The following GPBP1L1 variants were observed in gnomAD, a reference collection of about 807,000 sequenced individuals.
GPBP1L1 encodes the protein vasculin-like protein 1.
In GPBP1L1, 23 loss-of-function variants were observed where a neutral mutation model predicts 52.5. That is an observed-to-expected ratio of 0.44 (90% CI 0.32 to 0.62). The LOEUF (loss-of-function observed/expected upper bound fraction) is 0.62. Ranked by LOEUF, GPBP1L1 falls within the 20% of genes least tolerant of loss-of-function variation. GPBP1L1 has a pLI of 0.06. For missense variants in GPBP1L1, 596 were observed against 579.3 expected (o/e 1.03, Z -0.30); for synonymous variants, 243 against 203.1 (o/e 1.20, Z -1.67).
chr1:45,646,127 C>T (rs983237462), intron 6 of GPBP1L1: 12 of 402,164 alleles, frequency 3.0e-5, no homozygotes, highest in Admixed American at 1.3e-4. Context: ...TAGTAAGAAC[C>T]GGCGTTTCCC....
At chr1:45,676,586 T>C (rs1406316309) in intron 2 of GPBP1L1, among the ~76,000 whole-genome samples, 1 of 151,812 alleles carries the variant, frequency 6.6e-6, no homozygotes, top group African/African-American at 2.4e-5. Context: ...GGCAGGCACC[T>C]GTAATCCCAG....
chr1:45,630,715 A>T, intron 10 of GPBP1L1, 109 bp from the exon 11 acceptor site: 3 of 1,238,734 alleles, frequency 2.4e-6, no homozygotes, highest in Non-Finnish European at 3.4e-6. Flanking sequence ...TCCAAAAGAC[A>T]GCCTCAGCCC....
chr1:45,680,243 T>TTC (rs886916975), intron 2 of GPBP1L1, among the ~76,000 whole-genome samples: 1 of 150,996 alleles, frequency 6.6e-6, no homozygotes, highest in Non-Finnish European at 1.5e-5. Context: ...CGCTTTTTTT[T>TTC]TTTTTTTTTT....
intron 6 of GPBP1L1, among the ~76,000 whole-genome samples, chr1:45,643,342 A>T (rs560204567): frequency 2.0e-5 from 3 of 152,192 alleles, no homozygotes; most frequent in African/African-American, 7.2e-5. Flanking sequence ...AGGATTTCTT[A>T]GGGGAGATTA....
intron 2 of GPBP1L1, among the ~76,000 whole-genome samples, chr1:45,683,792 C>T (rs1011683181): frequency 3.3e-5 from 5 of 149,554 alleles, no homozygotes; most frequent in African/African-American, 9.8e-5. Context: ...TGCGGTGGCA[C>T]GCACCTGTCG....
At chr1:45,670,283 T>A (rs535633047) in intron 2 of GPBP1L1, among the ~76,000 whole-genome samples, 38 of 152,284 alleles carry the variant, frequency 2.5e-4, no homozygotes, top group African/African-American at 8.9e-4. Flanking sequence ...GGATACCTAT[T>A]CTTTTTACCA....
At chr1:45,658,038 A>G (rs998418236) in intron 4 of GPBP1L1, among the ~76,000 whole-genome samples, 2 of 152,186 alleles carry the variant, frequency 1.3e-5, no homozygotes, top group Non-Finnish European at 1.5e-5. Context: ...AGCACTTTTA[A>G]GTTTACTAGC....
At chr1:45,639,853 G>T (rs1309043948) in intron 8 of GPBP1L1, among the ~76,000 whole-genome samples, 3 of 152,038 alleles carry the variant, frequency 2.0e-5, no homozygotes, top group African/African-American at 4.8e-5. Flanking sequence ...ACTCCAGCCT[G>T]GGTGACAGAG....
chr1:45,651,270 TC>T, intron 6 of GPBP1L1: 1 of 402,228 alleles, frequency 2.5e-6, no homozygotes, highest in Non-Finnish European at 4.8e-6. Context: ...ACTCTTGACT[TC>T]CCCTTGATAA....
Position 45,659,054 on chromosome 1 carries a change from T to G in GPBP1L1, c.34A>C (p.Asn12His), listed in dbSNP as rs1430166082. ...AQHDFVPAWL[N>H]FSTPQSAKSP... The stretch of plus-strand genomic sequence containing the variant: ...TTAGCTGACTGTGGTGTTGAGAAAT[T>G]TAGCCAAGCAGGAACAAAATCATGC... The change falls in exon 4 of 13, where the codon AAT (asparagine) becomes CAT (histidine). Residue 12 changes from asparagine to histidine, a missense_variant. Transcript: ENST00000355105. 3 of 1,613,826 alleles carry G rather than the reference T, an allele frequency of 1.9e-6. No individual in the cohort carries two copies. Among genetic ancestry groups the G allele is most frequent in the Admixed American group, 3.3e-5 (2 of 60,024 alleles).
chr1:45,665,365 G>A (rs1418579077), intron 2 of GPBP1L1, among the ~76,000 whole-genome samples: 1 of 152,154 alleles, frequency 6.6e-6, no homozygotes, highest in Non-Finnish European at 1.5e-5. Flanking sequence ...CAAAGGGGAG[G>A]TGTGTTCTAC....
At chr1:45,654,463 T>C in intron 6 of GPBP1L1, 80 bp downstream of exon 6, 3 of 1,273,396 alleles carry the variant, frequency 2.4e-6, no homozygotes, top group Admixed American at 4.9e-5. Context: ...ATTTCTGAAA[T>C]GTTCTCATTA....
At chr1:45,671,624 A>G (rs1569871050) in intron 2 of GPBP1L1, among the ~76,000 whole-genome samples, 1 of 151,498 alleles carries the variant, frequency 6.6e-6, no homozygotes, top group African/African-American at 2.4e-5. Flanking sequence ...TTTGAAATCA[A>G]CCTCAGCATC....
intron 6 of GPBP1L1, among the ~76,000 whole-genome samples, chr1:45,652,471 C>T (rs1644830151): frequency 6.6e-6 from 1 of 152,156 alleles, no homozygotes; most frequent in Admixed American, 6.5e-5. Context: ...CTACTTTACT[C>T]CACACTATTT....
chr1:45,677,319 G>A (rs1201923434), intron 2 of GPBP1L1, among the ~76,000 whole-genome samples: 1 of 148,614 alleles, frequency 6.7e-6, no homozygotes, highest in Admixed American at 6.7e-5. Context: ...CAGCCTGGGT[G>A]ACAGAGGAAG....
rs757351983 is a variant in GPBP1L1, at chr1:45,628,224, T to A, written c.*32A>T. The stretch of plus-strand genomic sequence containing the variant: ...TACTCCCTAAACACACAGAGTTTAC[T>A]GGGTCAGATTTAACTGTGAGCATTT... On this transcript the variant is annotated 3_prime_UTR_variant, in exon 13 of 13. Transcript: ENST00000355105. 3 of 1,605,130 alleles carry A rather than the reference T, an allele frequency of 1.9e-6. No individual in the cohort carries two copies. The East Asian group carries it at 6.7e-5, about 36-fold the overall frequency.
chr1:45,683,203 CTTTTTTTTTTTT>C lies in GPBP1L1; in HGVS notation c.-1098+2361_-1098+2372del, dbSNP rs764606358. 9.3e-4 allele frequency among the ~76,000 whole-genome samples: 78 copies of C among 83,780 alleles called. 1 individual carries two copies. Among genetic ancestry groups the C allele is most frequent in the Non-Finnish European group, 1.4e-3 (66 of 45,944 alleles). 55.0% of individuals were successfully genotyped at this position (83,780 alleles called of 152,430 possible). Reference sequence around the variant, plus strand: ...AGATTGCCTAAATTTGAATATAGGCCTTTTTTTTTTTTTTTTTTTTTTTTTTTTGAGAGGGAG... The same window carrying C: ...AGATTGCCTAAATTTGAATATAGGCCTTTTTTTTTTTTTTTTGAGAGGGAG... On this transcript the variant is annotated intron_variant, in intron 2 of 12. Coordinates refer to ENST00000355105, the MANE Select transcript of GPBP1L1 (RefSeq NM_021639.5).
chr1:45,628,478 G>C, intron 12 of GPBP1L1, 70 bp from the exon 13 acceptor site: 1 of 1,451,600 alleles, frequency 6.9e-7, no homozygotes, highest in Non-Finnish European at 9.4e-7. Flanking sequence ...ATAAGCCCTG[G>C]GAAAGGCCAG....
chr1:45,633,431 C>T, intron 10 of GPBP1L1, 58 bp downstream of exon 10: 1 of 1,553,922 alleles, frequency 6.4e-7, no homozygotes. Context: ...AAGAAGAAAT[C>T]ACGTATGTAT....
Sources: allele counts gnomAD v4.1 joint callset (sites outside exome capture counted in the v4.1 genomes callset), GRCh38; gene constraint gnomAD v4.1.1; transcripts MANE v1.5; gene names NCBI Gene and HGNC (gene_info 2026-07-23, HGNC 2026-07-21).